Variants in TRIM4 observed in about 807,000 individuals in gnomAD.
TRIM4 encodes the protein tripartite motif containing 4.
TRIM4 carries 29 observed loss-of-function variants against 33.7 expected under a neutral mutation model. The ratio of observed to expected loss-of-function variants is 0.86; its 90% confidence interval spans 0.64 to 1.17. TRIM4 has a LOEUF of 1.17. Among genes scored for constraint, TRIM4 ranks in the 50% most tolerant of loss-of-function variants. The probability of loss-of-function intolerance (pLI) is 0.00; values close to 1 mark genes in which losing one functional copy is unlikely to be tolerated. For synonymous variants in TRIM4, 224 were observed against 233.0 expected, an observed-to-expected ratio of 0.96 and a Z score of 0.35; for missense variants, 554 against 593.7, an observed-to-expected ratio of 0.93 and a Z score of 0.69.
rs769047308 is a variant in TRIM4 at position 99,908,686 on chromosome 7, GCTT to G, written c.613_615del (p.Lys205del). ...TTGAGTTTTAACGTGTTCTCATTCA[GCTT>G]CTTCTTCGTCTCTTCTTCTTCTTTG... On this transcript the variant is annotated inframe_deletion, in exon 3 of 6. Coordinates refer to ENST00000349062, the MANE Select transcript of TRIM4 (RefSeq NM_033091.3). 24 of 1,614,118 alleles carry G rather than the reference GCTT, an allele frequency of 1.5e-5. No homozygotes were observed. The highest frequency in any genetic ancestry group is 1.9e-5 in the Non-Finnish European group (23 of 1,180,022).
Position 99,892,054 on chromosome 7 carries a change from A to C in TRIM4, c.*109T>G, listed in dbSNP as rs1818902486. The stretch of plus-strand genomic sequence containing the variant: ...CCAAACGGTACCGTTAGGGAGACCC[A>C]GAAGATGGACCATCCAGGATAGAGA... On this transcript the variant is annotated 3_prime_UTR_variant, in exon 6 of 6. Coordinates refer to ENST00000349062, the MANE Select transcript of TRIM4 (RefSeq NM_033091.3). 9.9e-7 allele frequency: 1 copy of C among 1,012,128 alleles called. No individual in the cohort carries two copies. The highest frequency in any genetic ancestry group is 1.6e-5 in the African/African-American group (1 of 61,690). The allele number at this position is 1,012,128 out of a possible 1,614,324, so 62.7% of individuals were successfully genotyped here. A position where few individuals can be genotyped will look rare whatever the true frequency, so the allele number is the denominator to read the frequency against.
At chr7:99,908,350 G>A (rs1819357132) in intron 3 of TRIM4, 1 of 455,220 alleles carries the variant, frequency 2.2e-6, no homozygotes, top group Non-Finnish European at 3.9e-6. Flanking sequence ...GATGAACTAT[G>A]AGACTGTGTG....
At chr7:99,911,701 C>T (rs2572000) in intron 1 of TRIM4, among the ~76,000 whole-genome samples, 56,084 of 151,874 alleles carry the variant, frequency 0.37, 11,416 homozygotes, top group Non-Finnish European at 0.46. Context: ...CATTAGCAGG[C>T]GAATGAAATG....
intron 1 of TRIM4, among the ~76,000 whole-genome samples, chr7:99,915,122 TTC>T (rs1395029331): frequency 6.6e-6 from 1 of 152,182 alleles, no homozygotes; most frequent in Non-Finnish European, 1.5e-5. Flanking sequence ...GGATAGCACT[TTC>T]TTTTTCTTTC....
rs1818909926 is a variant in TRIM4 at position 99,892,330 on chromosome 7, C to T, written c.1258G>A (p.Val420Met). The T allele has an allele frequency of 3.1e-6, 5 of 1,614,216 alleles. No individual in the cohort carries two copies. Among genetic ancestry groups the T allele is most frequent in the South Asian group, 2.2e-5 (2 of 91,090 alleles). ...GTCCCACGATCCAGGTAAACCCCCA[C>T]TCGGTGGAGAGCTGGCTCTTGCTGG... ...PTQQEPALHRVGVYLDRGTGN... is the reference protein window; with the variant it reads ...PTQQEPALHRMGVYLDRGTGN... Residue 420 changes from valine to methionine, a missense_variant, in exon 6 of 6, where the codon GTG (valine) becomes ATG (methionine). By Grantham distance (21) the Val-to-Met change is conservative (BLOSUM62 1). Coordinates refer to ENST00000349062, the MANE Select transcript of TRIM4 (RefSeq NM_033091.3).
Position 99,891,056 on chromosome 7 carries a change from A to G in TRIM4, c.*1107T>C, listed in dbSNP as rs1016404310. 1 of 152,250 alleles carries G rather than the reference A, an allele frequency of 6.6e-6. No homozygotes were observed. 9.4% of individuals were successfully genotyped at this position (152,250 alleles called of 1,614,324 possible). On this transcript the variant is annotated 3_prime_UTR_variant, in exon 6 of 6. Coordinates refer to ENST00000349062, the MANE Select transcript of TRIM4 (RefSeq NM_033091.3). ...AGAGAAAAGCAATCATTATCTTAAA[A>G]ATAACTATCCAGTAACTGCCACAAT...
At chr7:99,897,837 C>A (rs1299002190) in intron 5 of TRIM4, among the ~76,000 whole-genome samples, 20 of 152,228 alleles carry the variant, frequency 1.3e-4, no homozygotes, top group Admixed American at 1.2e-3. Context: ...GGCGCCAGGC[C>A]ACTGCCAGGG....
chr7:99,918,161 A>G (rs1819599193), intron 1 of TRIM4, among the ~76,000 whole-genome samples: 1 of 152,232 alleles, frequency 6.6e-6, no homozygotes, highest in Non-Finnish European at 1.5e-5. Context: ...ACTGTCCAAT[A>G]CAGTATCCAT....
intron 1 of TRIM4, among the ~76,000 whole-genome samples, chr7:99,917,049 C>T (rs1819571174): frequency 6.6e-6 from 1 of 152,206 alleles, no homozygotes; most frequent in African/African-American, 2.4e-5. Flanking sequence ...CCTGAAATAC[C>T]TTCTTTCCTA....
rs1818875492 is a variant in TRIM4, at chr7:99,890,746, T to C, written c.*1417A>G. On this transcript the variant is annotated 3_prime_UTR_variant, in exon 6 of 6. Transcript: ENST00000349062. Reference sequence around the variant, plus strand: ...GGGTAGAGGGTGGAGGAGGGTGGGGTATCAAAAAAGTATCTATTGGGTACT... The same window carrying C: ...GGGTAGAGGGTGGAGGAGGGTGGGGCATCAAAAAAGTATCTATTGGGTACT... 6.6e-6 allele frequency: 1 copy of C among 151,968 alleles called. No homozygotes were observed. The highest frequency in any genetic ancestry group is 2.4e-5 in the African/African-American group (1 of 41,372). The allele number at this position is 151,968 out of a possible 1,614,324, so 9.4% of individuals were successfully genotyped here.
chr7:99,898,013 T>G (rs1819061101), intron 5 of TRIM4, among the ~76,000 whole-genome samples: 1 of 152,216 alleles, frequency 6.6e-6, no homozygotes, highest in African/African-American at 2.4e-5. Flanking sequence ...GACTATTGGG[T>G]CTGCAGAGAG....
At position 99,919,264 on chromosome 7, in the gene TRIM4, C is replaced by T. The variant is rs370168345; in HGVS notation, c.138G>A (p.Pro46=). The T allele has an allele frequency of 2.0e-4, 303 of 1,544,366 alleles. 3 individuals carry two copies. The South Asian group carries it at 3.4e-3, about 17-fold the overall frequency. The change falls in exon 1 of 6, where the codon CCG becomes CCA. Residue 46 remains proline (P), a synonymous_variant. Transcript: ENST00000349062. ...LHRNWAPGGG[P]FPCPECRHPS... Reference sequence around the variant, plus strand: ...GGTGCCGACATTCGGGGCAGGGGAACGGGCCGCCGCCCGGCGCCCAGTTGC... The same window carrying T: ...GGTGCCGACATTCGGGGCAGGGGAATGGGCCGCCGCCCGGCGCCCAGTTGC...
At chr7:99,899,801 GT>G (rs1819114831) in intron 5 of TRIM4, among the ~76,000 whole-genome samples, 3 of 152,072 alleles carry the variant, frequency 2.0e-5, no homozygotes, top group Admixed American at 2.0e-4. Flanking sequence ...AGTTTTCTGG[GT>G]TTTCTTTTGA....
Position 99,892,346 on chromosome 7 carries a change from C to T in TRIM4, c.1242G>A (p.Glu414=), listed in dbSNP as rs754220704. The T allele has an allele frequency of 1.9e-6, 3 of 1,614,156 alleles. No homozygotes were observed. The highest frequency in any genetic ancestry group is 2.2e-5 in the East Asian group (1 of 44,870). ...IGFPGTPTQQ[E]PALHRVGVYL... ...AAACCCCCACTCGGTGGAGAGCTGG[C>T]TCTTGCTGGGTGGGAGTTCCAGGGA... Residue 414 remains glutamate, a synonymous_variant, in exon 6 of 6, where the codon GAG becomes GAA. Coordinates refer to ENST00000349062, the MANE Select transcript of TRIM4 (RefSeq NM_033091.3).
At chr7:99,895,486 T>C (rs1470961557) in intron 5 of TRIM4, among the ~76,000 whole-genome samples, 2 of 152,194 alleles carry the variant, frequency 1.3e-5, no homozygotes, top group Non-Finnish European at 2.9e-5. Flanking sequence ...TCTTGGAAAA[T>C]GTTTCACGTA....
Position 99,903,312 on chromosome 7 carries a change from A to T in TRIM4, c.747T>A (p.Ser249Arg). The T allele has an allele frequency of 6.3e-7, 1 of 1,595,534 alleles. No individual in the cohort carries two copies. The change falls in exon 5 of 6, where the codon AGT (serine) becomes AGA (arginine). Residue 249 changes from serine (S) to arginine (R), a missense_variant. Coordinates refer to ENST00000349062, the MANE Select transcript of TRIM4 (RefSeq NM_033091.3). Reference sequence around the variant, plus strand: ...GAGAATAGTTCACATCCTGGATCTCACTCCTAAGAAGGTAGAGAAGACTGC... The same window carrying T: ...GAGAATAGTTCACATCCTGGATCTCTCTCCTAAGAAGGTAGAGAAGACTGC... ...LQNPKEVLTR[S>R]EIQDVNYSLE...
intron 5 of TRIM4, chr7:99,901,888 C>T: frequency 1.8e-6 from 1 of 544,864 alleles, no homozygotes; most frequent in Non-Finnish European, 3.2e-6. Context: ...CCGGCTCTCT[C>T]CGCTCCAGGA....
intron 5 of TRIM4, among the ~76,000 whole-genome samples, chr7:99,895,410 G>A (rs1200188633): frequency 6.6e-6 from 1 of 152,158 alleles, no homozygotes; most frequent in East Asian, 1.9e-4. Flanking sequence ...ATTGTGATCA[G>A]AGAACATACT....
At position 99,890,575 on chromosome 7, in the gene TRIM4, T is replaced by C. The variant is rs1818871258; in HGVS notation, c.*1588A>G. 6.6e-6 allele frequency: 1 copy of C among 152,194 alleles called. No homozygotes were observed. Among genetic ancestry groups the C allele is most frequent in the South Asian group, 2.1e-4 (1 of 4,830 alleles). 9.4% of individuals were successfully genotyped at this position (152,194 alleles called of 1,614,324 possible). On this transcript the variant is annotated 3_prime_UTR_variant, in exon 6 of 6. Coordinates refer to ENST00000349062, the MANE Select transcript of TRIM4 (RefSeq NM_033091.3). ...ATGAGATCATGTCTTTGCAGCAACA[T>C]GGATGGAGCTGGAGGCCATTACCCT...
Sources: allele counts gnomAD v4.1 joint callset (sites outside exome capture counted in the v4.1 genomes callset), GRCh38; gene constraint gnomAD v4.1.1; transcripts MANE v1.5; gene names NCBI Gene and HGNC (gene_info 2026-07-23, HGNC 2026-07-21).